Variants in HNRNPM observed in about 807,000 individuals in gnomAD.
HNRNPM encodes CEA receptor.
In HNRNPM, 11 loss-of-function variants were observed where a neutral mutation model predicts 73.1. That is an observed-to-expected ratio of 0.15 (90% CI 0.09 to 0.25). The LOEUF is 0.25. Among genes scored for constraint, HNRNPM ranks in the 10% least tolerant of loss-of-function variants. HNRNPM has a pLI of 1.00. For missense variants in HNRNPM, 789 were observed against 1,067.9 expected (o/e 0.74, Z 3.64); for synonymous variants, 407 against 355.2 (o/e 1.15, Z -1.64).
At chr19:8,446,661 C>G (rs1414534096) in intron 1 of HNRNPM, among the ~76,000 whole-genome samples, 1 of 152,112 alleles carries the variant, frequency 6.6e-6, no homozygotes, top group African/African-American at 2.4e-5. Context: ...CCTAGGCCTT[C>G]CAAAGTGCTG....
At chr19:8,487,260 G>C in intron 15 of HNRNPM, 185 bp downstream of exon 15, 2 of 645,702 alleles carry the variant, frequency 3.1e-6, no homozygotes, top group Non-Finnish European at 2.8e-6. Flanking sequence ...ATGTTTTTCA[G>C]CTGTGTTCTC....
chr19:8,446,252 T>A (rs1968177840), intron 1 of HNRNPM, among the ~76,000 whole-genome samples: 1 of 152,198 alleles, frequency 6.6e-6, no homozygotes, highest in African/African-American at 2.4e-5. Context: ...CTGCTTCATG[T>A]CCAGAACTTT....
At chr19:8,481,984 T>C (rs1970950746) in intron 12 of HNRNPM, among the ~76,000 whole-genome samples, 1 of 150,056 alleles carries the variant, frequency 6.7e-6, no homozygotes, top group Non-Finnish European at 1.5e-5. Context: ...TTTTTTTTTT[T>C]TTTTCTTAGA....
At chr19:8,483,258 T>C in intron 13 of HNRNPM, 47 bp downstream of exon 13, 1 of 1,425,660 alleles carries the variant, frequency 7.0e-7, no homozygotes, top group Non-Finnish European at 9.9e-7. Context: ...AACAGGCTGT[T>C]ATCGCTGGGG....
At chr19:8,479,535 T>A (rs1970754661) in intron 12 of HNRNPM, among the ~76,000 whole-genome samples, 1 of 152,052 alleles carries the variant, frequency 6.6e-6, no homozygotes, top group Non-Finnish European at 1.5e-5. Flanking sequence ...GGGTATGATC[T>A]CACTGTAGCA....
At chr19:8,487,489 G>A (rs531505678) in intron 15 of HNRNPM, 48 of 206,188 alleles carry the variant, frequency 2.3e-4, no homozygotes, top group Middle Eastern at 2.4e-3. Flanking sequence ...TGGGGAGGCG[G>A]TGCAGGCTCT....
Position 8,455,431 on chromosome 19 carries a change from A to G in HNRNPM, c.140A>G (p.Glu47Gly). ...GAAGGAGAACGACCTGCTCAGAATG[A>G]GAAGAGGAAGGAGAAAAACATAAAA... ...KGEGERPAQN[E>G]KRKEKNIKRG... is the part of the protein sequence containing the mutation. The change falls in exon 2 of 16, where the codon GAG (glutamate) becomes GGG (glycine). Residue 47 changes from glutamate to glycine, a missense_variant. Around this residue, in one of 4 missense-constraint regions of HNRNPM, gnomAD observed 63 missense variants for 147.4 expected, o/e 0.43. Transcript: ENST00000325495. 1 of 1,614,044 alleles carries G rather than the reference A, an allele frequency of 6.2e-7. No individual in the cohort carries two copies. The highest frequency in any genetic ancestry group is 8.5e-7 in the Non-Finnish European group (1 of 1,179,964).
At chr19:8,473,581 G>A (rs948474408) in intron 10 of HNRNPM, 83 bp from the exon 11 acceptor site, 5 of 831,188 alleles carry the variant, frequency 6.0e-6, no homozygotes, top group Admixed American at 2.1e-5. Context: ...TTCTTTTGCT[G>A]GTTTGGAATT....
chr19:8,478,801 A>G (rs1050860243), intron 12 of HNRNPM, among the ~76,000 whole-genome samples: 2 of 152,086 alleles, frequency 1.3e-5, no homozygotes, highest in African/African-American at 4.8e-5. Context: ...AGAGTGTTTC[A>G]TGGCCCTCTG....
intron 2 of HNRNPM, among the ~76,000 whole-genome samples, chr19:8,458,202 C>T (rs558353579): frequency 6.6e-6 from 1 of 152,182 alleles, no homozygotes; most frequent in African/African-American, 2.4e-5. Flanking sequence ...TTCATACCAG[C>T]TGCATATTCT....
At chr19:8,446,432 C>T (rs771150304) in intron 1 of HNRNPM, among the ~76,000 whole-genome samples, 3 of 152,122 alleles carry the variant, frequency 2.0e-5, no homozygotes, top group Non-Finnish European at 4.4e-5. Context: ...TTCTTTGAGA[C>T]AGGGTCTCCC....
At chr19:8,479,090 T>C (rs1970719300) in intron 12 of HNRNPM, among the ~76,000 whole-genome samples, 1 of 127,250 alleles carries the variant, frequency 7.9e-6, no homozygotes, top group Non-Finnish European at 1.7e-5. Flanking sequence ...TTTTTTTTTT[T>C]TTTTTTTTTT....
At chr19:8,468,708 G>A (rs1969929378) in intron 8 of HNRNPM, 66 bp from the exon 9 acceptor site, 3 of 1,235,336 alleles carry the variant, frequency 2.4e-6, no homozygotes, top group South Asian at 2.4e-5. Context: ...GGCCATTTCA[G>A]TCTTTTGCTG....
chr19:8,454,968 A>T (rs889103607), intron 1 of HNRNPM, among the ~76,000 whole-genome samples: 1 of 151,948 alleles, frequency 6.6e-6, no homozygotes, highest in African/African-American at 2.4e-5. Context: ...CAAAACCAAC[A>T]TTAGTCTTGT....
intron 10 of HNRNPM, among the ~76,000 whole-genome samples, 157 bp downstream of exon 10, chr19:8,471,584 A>T (rs1381392020): frequency 6.6e-6 from 1 of 152,176 alleles, no homozygotes; most frequent in East Asian, 1.9e-4. Context: ...TAAAGGCAGT[A>T]TTTTGTATTT....
intron 10 of HNRNPM, among the ~76,000 whole-genome samples, 151 bp from the exon 11 acceptor site, chr19:8,473,509 GCTTT>G (rs1970299699): frequency 6.6e-6 from 1 of 151,782 alleles, no homozygotes; most frequent in Non-Finnish European, 1.5e-5. Context: ...AATGGTAAGG[GCTTT>G]TTTTCTTGCT....
At chr19:8,466,603 G>A (rs1190498610) in intron 7 of HNRNPM, among the ~76,000 whole-genome samples, 5 of 152,070 alleles carry the variant, frequency 3.3e-5, no homozygotes, top group African/African-American at 1.2e-4. Context: ...CAAGGCGGGC[G>A]GATCACTTGA....
In HNRNPM at chr19:8,466,291, G is replaced by T; in HGVS notation, c.687G>T (p.Val229=). The T allele has an allele frequency of 6.2e-7, 1 of 1,614,088 alleles. No homozygotes were observed. The highest frequency in any genetic ancestry group is 8.5e-7 in the Non-Finnish European group (1 of 1,179,992). ...KLKEVFSMAG[V]VVRADILEDK... is the part of the protein sequence containing the mutation. ...AGGAAGTATTTAGTATGGCTGGTGT[G>T]GTGGTCCGAGCAGACATTCTTGAAG... The change falls in exon 7 of 16, where the codon GTG becomes GTT. Residue 229 remains valine (V), a synonymous_variant. Coordinates refer to ENST00000325495, the MANE Select transcript of HNRNPM (RefSeq NM_005968.5).
chr19:8,463,698 C>T lies in HNRNPM; in HGVS notation c.438+12C>T. The T allele has an allele frequency of 1.3e-6, 2 of 1,542,644 alleles. No homozygotes were observed. Among genetic ancestry groups the T allele is most frequent in the Non-Finnish European group, 1.8e-6 (2 of 1,115,390 alleles). On this transcript the variant is annotated intron_variant, in intron 5 of 15. Coordinates refer to ENST00000325495, the MANE Select transcript of HNRNPM (RefSeq NM_005968.5). ...TGAAAGTCAAAGAAGTAAGCTCTTG[C>T]TTAACACTGCGGATACTGTGTGTAA...
Sources: allele counts gnomAD v4.1 joint callset (sites outside exome capture counted in the v4.1 genomes callset), GRCh38; gene constraint gnomAD v4.1.1; regional missense constraint gnomAD v4.1.1; transcripts MANE v1.5; gene names NCBI Gene and HGNC (gene_info 2026-07-23, HGNC 2026-07-21).